The following FAM184B variants were observed in gnomAD, a reference collection of about 807,000 sequenced individuals.
The protein encoded by FAM184B is family with sequence similarity 184 member B.
A neutral mutation model predicts 135.9 loss-of-function variants in FAM184B; 111 were observed. The ratio of observed to expected loss-of-function variants is 0.82; its 90% confidence interval spans 0.70 to 0.96. FAM184B has a LOEUF of 0.96. Ranked by LOEUF, FAM184B falls within the 40% of genes least tolerant of loss-of-function variation. The pLI, the probability that FAM184B is intolerant of heterozygous loss-of-function variation, is 0.00. For synonymous variants in FAM184B, 552 were observed against 524.8 expected (o/e 1.05, Z -0.71); for missense variants, 1,375 against 1,323.9 (o/e 1.04, Z -0.60).
chr4:17,704,164 T>G (rs946191392), intron 5 of FAM184B, among the ~76,000 whole-genome samples: 3 of 152,236 alleles, frequency 2.0e-5, no homozygotes, highest in Admixed American at 2.0e-4. Flanking sequence ...AAGCTGGTAC[T>G]GCAGAATCTT....
intron 7 of FAM184B, among the ~76,000 whole-genome samples, chr4:17,681,239 T>A (rs1387379496): frequency 6.6e-6 from 1 of 152,176 alleles, no homozygotes; most frequent in African/African-American, 2.4e-5. Context: ...ATAGGGTGGT[T>A]TGTGGACTGT....
intron 5 of FAM184B, among the ~76,000 whole-genome samples, chr4:17,695,300 C>T (rs908947200): frequency 2.0e-5 from 3 of 152,144 alleles, no homozygotes; most frequent in African/African-American, 7.2e-5. Context: ...GTAGCTGAGA[C>T]TACAGGTGCA....
intron 4 of FAM184B, 63 bp downstream of exon 4, chr4:17,705,689 G>A (rs1040436575): frequency 1.2e-5 from 19 of 1,534,736 alleles, no homozygotes; most frequent in Admixed American, 8.0e-5. Context: ...TCTACCTGAC[G>A]CTTATAATAG....
rs1719031902 is a variant in FAM184B, at chr4:17,781,433, C to T, written c.-134G>A. 9 of 1,104,356 alleles carry T rather than the reference C, an allele frequency of 8.1e-6. No individual in the cohort carries two copies. The South Asian group carries it at 1.8e-4, about 22-fold the overall frequency. The allele number at this position is 1,104,356 out of a possible 1,614,324, so 68.4% of individuals were successfully genotyped here. On this transcript the variant is annotated 5_prime_UTR_variant, in exon 1 of 18. Coordinates refer to ENST00000265018, the MANE Select transcript of FAM184B (RefSeq NM_015688.2). The surrounding 1 kb of genome is among the most constrained non-coding windows in gnomAD (Gnocchi z 6.5). The stretch of plus-strand genomic sequence containing the variant: ...CACTGCAGTCCCGTCGCCTGCACCG[C>T]CGCGTGGCCCCAGCTTCCCGAAGGT...
chr4:17,753,073 T>C (rs950328224), intron 1 of FAM184B, among the ~76,000 whole-genome samples: 5 of 152,342 alleles, frequency 3.3e-5, no homozygotes, highest in African/African-American at 1.2e-4. Context: ...TTGCCTAAGT[T>C]TCCTCTCACA....
chr4:17,769,168 A>G (rs1718762797), intron 1 of FAM184B, among the ~76,000 whole-genome samples: 9 of 152,166 alleles, frequency 5.9e-5, no homozygotes, highest in Admixed American at 5.9e-4. Context: ...TACTAACACA[A>G]CCATTAAAAA....
At chr4:17,716,611 G>T (rs1717405408) in intron 1 of FAM184B, among the ~76,000 whole-genome samples, 1 of 152,138 alleles carries the variant, frequency 6.6e-6, no homozygotes, top group African/African-American at 2.4e-5. Flanking sequence ...CTCCAAGAGT[G>T]CTGGGATTAT....
intron 11 of FAM184B, among the ~76,000 whole-genome samples, chr4:17,649,294 T>TG (rs1199051856): frequency 6.6e-6 from 1 of 152,086 alleles, no homozygotes; most frequent in African/African-American, 2.4e-5. Flanking sequence ...GATATTAAGA[T>TG]GAAAAATTGG....
chr4:17,716,348 G>T (rs924455017), intron 1 of FAM184B, among the ~76,000 whole-genome samples: 11 of 151,744 alleles, frequency 7.2e-5, no homozygotes, highest in Non-Finnish European at 1.0e-4. Flanking sequence ...AGGTTTTTTT[G>T]TTTGTTTGTT....
At chr4:17,648,604 T>C (rs142124820) in intron 11 of FAM184B, among the ~76,000 whole-genome samples, 2,299 of 152,154 alleles carry the variant, frequency 0.015, 66 homozygotes, top group African/African-American at 0.053. Flanking sequence ...TCCACCCACA[T>C]TAGCCTCCCA....
chr4:17,731,893 C>T (rs1055009235), intron 1 of FAM184B, among the ~76,000 whole-genome samples: 3 of 152,116 alleles, frequency 2.0e-5, no homozygotes, highest in South Asian at 2.1e-4. Flanking sequence ...TTTTTTTCAG[C>T]ACCACACCAC....
At position 17,682,181 on chromosome 4, in the gene FAM184B, A is replaced by T. The variant is rs558283101; in HGVS notation, c.1596+6243T>A. Among the ~76,000 whole-genome samples the T allele has an allele frequency of 5.9e-5, 9 of 152,250 alleles. No individual in the cohort carries two copies. The South Asian group carries it at 1.9e-3, about 32-fold the overall frequency. On this transcript the variant is annotated intron_variant, in intron 7 of 17. Coordinates refer to ENST00000265018, the MANE Select transcript of FAM184B (RefSeq NM_015688.2). ...TATATGAAAACTTCCACCCTTCTCC[A>T]CCGCCCGTTCAGTGTGGCCCAGGCA...
intron 1 of FAM184B, among the ~76,000 whole-genome samples, chr4:17,750,649 CA>C (rs1168977736): frequency 2.6e-5 from 4 of 152,170 alleles, no homozygotes; most frequent in East Asian, 3.9e-4. Context: ...CAAATGTCCC[CA>C]GGGGGAAAAT....
At chr4:17,749,745 G>T (rs1420484769) in intron 1 of FAM184B, among the ~76,000 whole-genome samples, 1 of 152,108 alleles carries the variant, frequency 6.6e-6, no homozygotes, top group East Asian at 1.9e-4. Flanking sequence ...ATCCCCTTCA[G>T]TACAAAGGAA....
rs570679489 is a variant in FAM184B, at chr4:17,631,214, A to G, written c.*1318T>C. Reference sequence around the variant, plus strand: ...AAGACCAGAGGTTCAGGGGATATATATATATATTTTTTTAATCTGTAGAGA... The same window carrying G: ...AAGACCAGAGGTTCAGGGGATATATGTATATATTTTTTTAATCTGTAGAGA... On this transcript the variant is annotated 3_prime_UTR_variant, in exon 18 of 18. Transcript: ENST00000265018. 1 of 151,998 alleles carries G rather than the reference A, an allele frequency of 6.6e-6. No homozygotes were observed. Among genetic ancestry groups the G allele is most frequent in the African/African-American group, 2.4e-5 (1 of 41,326 alleles). 9.4% of individuals were successfully genotyped at this position (151,998 alleles called of 1,614,324 possible).
At chr4:17,682,487 TTTA>T (rs1415598061) in intron 7 of FAM184B, among the ~76,000 whole-genome samples, 1 of 151,878 alleles carries the variant, frequency 6.6e-6, no homozygotes, top group East Asian at 1.9e-4. Flanking sequence ...TAGATTTCTT[TTTA>T]TTGTTTGTTT....
At chr4:17,667,217 C>T (rs1398849217) in intron 7 of FAM184B, among the ~76,000 whole-genome samples, 1 of 152,040 alleles carries the variant, frequency 6.6e-6, no homozygotes, top group Non-Finnish European at 1.5e-5. Flanking sequence ...GCCTCAGCCT[C>T]CTAAAGTTCT....
rs931036406 is a variant in FAM184B, at chr4:17,639,586, A to G, written c.2520-190T>C. 3.9e-5 allele frequency among the ~76,000 whole-genome samples: 6 copies of G among 152,140 alleles called. 1 individual carries two copies. In the South Asian group the frequency reaches 1.0e-3, roughly 26 times the overall value. ...GTGGAGTCCAGGACAAACCCCCACT[A>G]TGGGACCCCTTCTCAGCACCCTCCC... is the stretch of plus-strand genomic sequence containing the variant. On this transcript the variant is annotated intron_variant, in intron 13 of 17. Coordinates refer to ENST00000265018, the MANE Select transcript of FAM184B (RefSeq NM_015688.2).
intron 1 of FAM184B, among the ~76,000 whole-genome samples, chr4:17,751,424 G>A (rs1718289525): frequency 6.6e-6 from 1 of 151,976 alleles, no homozygotes; most frequent in African/African-American, 2.4e-5. Flanking sequence ...CCACTGACAT[G>A]CTGAGGAGTA....
Sources: gnomAD v4.1 joint callset for allele counts (sites outside exome capture counted in the v4.1 genomes callset) on GRCh38, gnomAD v4.1.1 for gene constraint, Gnocchi (gnomAD v3.1) non-coding constraint, MANE v1.5 for transcripts, NCBI Gene and HGNC (gene_info 2026-07-23, HGNC 2026-07-21) for gene names.